Variants in FAM110B observed in about 807,000 individuals in gnomAD.
FAM110B encodes the protein protein FAM110B.
A neutral mutation model predicts 20.4 loss-of-function variants in FAM110B; 6 were observed. The ratio of observed to expected loss-of-function variants is 0.29; its 90% CI spans 0.16 to 0.58. FAM110B has a LOEUF of 0.58. FAM110B is among the 20% of genes least tolerant of loss of function. The pLI, the probability that FAM110B is intolerant of heterozygous loss-of-function variation, is 0.90. For missense variants in FAM110B, 434 were observed against 498.2 expected, an observed-to-expected ratio of 0.87 and a Z score of 1.23; for synonymous variants, 226 against 214.1, an observed-to-expected ratio of 1.06 and a Z score of -0.49.
chr8:58,084,316 C>T (rs1326623671), intron 3 of FAM110B, among the ~76,000 whole-genome samples: 1 of 152,016 alleles, frequency 6.6e-6, no homozygotes, highest in Non-Finnish European at 1.5e-5. Context: ...ATTTTAATTT[C>T]ATTTCTAATT....
chr8:58,107,669 C>T lies in FAM110B; in HGVS notation c.-325+32046C>T, dbSNP rs113396897. ...TGTTTGTATAATGCATAATAATAAG[C>T]GCCTCTGGATTATTTTTAATGCATC... is the stretch of plus-strand genomic sequence containing the variant. On this transcript the variant is annotated intron_variant, in intron 3 of 3. Coordinates refer to ENST00000519262, the MANE Select transcript of FAM110B (RefSeq NM_001377989.1). Among the ~76,000 whole-genome samples the T allele has an allele frequency of 3.7e-3, 564 of 152,254 alleles. 4 individuals carry two copies. Among genetic ancestry groups the T allele is most frequent in the Non-Finnish European group, 5.9e-3 (401 of 68,024 alleles).
chr8:58,051,943 G>C lies in FAM110B; in HGVS notation c.-414+20240G>C, dbSNP rs183322663. Among the ~76,000 whole-genome samples, 4 of 152,222 alleles carry C rather than the reference G, an allele frequency of 2.6e-5. No homozygotes were observed. The East Asian group carries it at 7.7e-4, about 29-fold the overall frequency. On this transcript the variant is annotated intron_variant, in intron 2 of 3. Transcript: ENST00000519262. ...TGGATCTATAACATTTATTACTCTG[G>C]TAAGAGGATGTTCATTCCTTCTGAA...
chr8:58,040,557 C>T (rs985078691), intron 2 of FAM110B, among the ~76,000 whole-genome samples: 1 of 152,066 alleles, frequency 6.6e-6, no homozygotes, highest in Non-Finnish European at 1.5e-5. Flanking sequence ...GGCCATTAGC[C>T]CACCCAGAAC....
At chr8:58,113,515 T>C in intron 3 of FAM110B, 1 of 186,830 alleles carries the variant, frequency 5.4e-6, no homozygotes, top group South Asian at 1.2e-4. Context: ...TGTCAGCTCT[T>C]TGGAAAGAGA....
intron 2 of FAM110B, among the ~76,000 whole-genome samples, chr8:58,055,009 GA>G (rs1397400995): frequency 6.6e-6 from 1 of 151,824 alleles, no homozygotes; most frequent in Non-Finnish European, 1.5e-5. Context: ...TTTTTTAAAA[GA>G]TCCATACAGA....
intron 1 of FAM110B, among the ~76,000 whole-genome samples, chr8:58,017,366 G>A (rs539058426): frequency 1.1e-4 from 16 of 152,290 alleles, no homozygotes; most frequent in Middle Eastern, 3.4e-3. Context: ...CCTGAAAGTC[G>A]AGTTAAGATG....
At chr8:58,037,901 T>C (rs1433025448) in intron 2 of FAM110B, among the ~76,000 whole-genome samples, 1 of 152,122 alleles carries the variant, frequency 6.6e-6, no homozygotes, top group Non-Finnish European at 1.5e-5. Context: ...CTTCCCCCAC[T>C]ACAGTTAACG....
At chr8:58,042,343 G>A (rs1013653681) in intron 2 of FAM110B, among the ~76,000 whole-genome samples, 8 of 152,244 alleles carry the variant, frequency 5.3e-5, no homozygotes, top group African/African-American at 1.7e-4. Context: ...CAGTGGTAAT[G>A]AGAATTGTGA....
chr8:58,121,608 T>C (rs374976768), intron 3 of FAM110B, among the ~76,000 whole-genome samples: 337 of 152,358 alleles, frequency 2.2e-3, no homozygotes, highest in South Asian at 0.017. Context: ...CAATGTAATA[T>C]AGCTACACAT....
intron 3 of FAM110B, among the ~76,000 whole-genome samples, chr8:58,076,298 T>C (rs1316220896): frequency 2.6e-5 from 4 of 152,110 alleles, no homozygotes; most frequent in African/African-American, 9.7e-5. Flanking sequence ...GAGATGGTGG[T>C]GCAGGGTCAG....
intron 2 of FAM110B, among the ~76,000 whole-genome samples, chr8:58,047,243 A>G (rs1805338201): frequency 6.6e-6 from 1 of 152,160 alleles, no homozygotes; most frequent in Non-Finnish European, 1.5e-5. Flanking sequence ...ATTCTGCAGG[A>G]TTTCAAATAG....
chr8:58,142,481 C>T (rs2150643652), intron 3 of FAM110B, among the ~76,000 whole-genome samples: 1 of 152,318 alleles, frequency 6.6e-6, no homozygotes, highest in East Asian at 1.9e-4. Context: ...TGTCCCCCAG[C>T]TGGCTCTATG....
At chr8:58,069,809 T>C (rs1805848723) in intron 2 of FAM110B, among the ~76,000 whole-genome samples, 1 of 152,200 alleles carries the variant, frequency 6.6e-6, no homozygotes, top group Non-Finnish European at 1.5e-5. Context: ...ATCGATTTTA[T>C]TATTTATTCT....
intron 1 of FAM110B, among the ~76,000 whole-genome samples, chr8:58,009,763 C>T (rs547064798): frequency 1.1e-4 from 16 of 152,244 alleles, no homozygotes; most frequent in Non-Finnish European, 2.4e-4. Context: ...AAACATAGTG[C>T]GAAGCAGATG....
intron 3 of FAM110B, among the ~76,000 whole-genome samples, chr8:58,111,663 T>C (rs997878625): frequency 2.0e-5 from 3 of 152,242 alleles, no homozygotes; most frequent in Non-Finnish European, 4.4e-5. Flanking sequence ...TTTAAAAGAT[T>C]CCATCAGAAA....
intron 2 of FAM110B, among the ~76,000 whole-genome samples, chr8:58,042,906 C>T (rs1451701795): frequency 6.6e-6 from 1 of 152,204 alleles, no homozygotes; most frequent in Non-Finnish European, 1.5e-5. Context: ...CTGGCTCCCT[C>T]CAGCCTGGGA....
intron 1 of FAM110B, among the ~76,000 whole-genome samples, chr8:58,009,219 G>C (rs1323203592): frequency 6.6e-6 from 1 of 152,218 alleles, no homozygotes; most frequent in Admixed American, 6.5e-5. Flanking sequence ...TTTGTATCTG[G>C]AGATTTAGGT....
chr8:58,067,747 C>T (rs1186596477), intron 2 of FAM110B, among the ~76,000 whole-genome samples: 7 of 152,184 alleles, frequency 4.6e-5, no homozygotes, highest in Admixed American at 4.6e-4. Context: ...AGCACAAGTC[C>T]TTACACATAG....
At chr8:58,114,088 C>T (rs1807133635) in intron 3 of FAM110B, among the ~76,000 whole-genome samples, 1 of 152,148 alleles carries the variant, frequency 6.6e-6, no homozygotes, top group Non-Finnish European at 1.5e-5. Flanking sequence ...CATGCCCTCT[C>T]TCTTAAGAGA....
Sources: allele counts gnomAD v4.1 joint callset (sites outside exome capture counted in the v4.1 genomes callset), GRCh38; gene constraint gnomAD v4.1.1; transcripts MANE v1.5; gene names NCBI Gene and HGNC (gene_info 2026-07-23, HGNC 2026-07-21).